ELL: variants seen among roughly 807,000 people sequenced by gnomAD.
ELL encodes RNA polymerase II elongation factor ELL.
A neutral mutation model predicts 64.0 loss-of-function variants in ELL; 18 were observed. That is an observed-to-expected ratio of 0.28 (90% CI 0.19 to 0.42). The LOEUF is 0.42. Ranked by LOEUF, ELL falls within the 10% of genes least tolerant of loss-of-function variation. ELL has a pLI of 1.00. For synonymous variants in ELL, 399 were observed against 376.2 expected, an observed-to-expected ratio of 1.06 and a Z score of -0.70; for missense variants, 797 against 870.4, an observed-to-expected ratio of 0.92 and a Z score of 1.06.
chr19:18,486,284 A>G (rs1975414829), intron 1 of ELL, among the ~76,000 whole-genome samples: 1 of 152,136 alleles, frequency 6.6e-6, no homozygotes, highest in Non-Finnish European at 1.5e-5. Flanking sequence ...CAGGGGCAGG[A>G]AGAGAGAGGC....
At chr19:18,479,815 C>T (rs146888500) in intron 1 of ELL, among the ~76,000 whole-genome samples, 28 of 151,852 alleles carry the variant, frequency 1.8e-4, no homozygotes, top group African/African-American at 6.3e-4. Context: ...GACAGATGGA[C>T]GGGGCCCAAT....
At chr19:18,481,351 C>T (rs1975296259) in intron 1 of ELL, among the ~76,000 whole-genome samples, 1 of 152,162 alleles carries the variant, frequency 6.6e-6, no homozygotes, top group Admixed American at 6.5e-5. Flanking sequence ...TTAGCAGGCT[C>T]CCTCCTTTTG....
chr19:18,458,423 CAG>C (rs1338626971), intron 5 of ELL, 94 bp from the exon 6 acceptor site: 1 of 1,534,384 alleles, frequency 6.5e-7, no homozygotes, highest in Non-Finnish European at 8.8e-7. Flanking sequence ...GGAGGGTGTG[CAG>C]AGACAGTGGG....
At chr19:18,452,546 G>T (rs1209876112) in intron 6 of ELL, among the ~76,000 whole-genome samples, 1 of 152,254 alleles carries the variant, frequency 6.6e-6, no homozygotes, top group African/African-American at 2.4e-5. Context: ...CATAGCAGAA[G>T]CATGAGTGGT....
intron 4 of ELL, among the ~76,000 whole-genome samples, chr19:18,463,027 C>T (rs904177338): frequency 1.3e-5 from 2 of 152,168 alleles, no homozygotes; most frequent in African/African-American, 4.8e-5. Flanking sequence ...ACAATGATGC[C>T]CCGGCATCCT....
intron 1 of ELL, among the ~76,000 whole-genome samples, chr19:18,513,069 G>A (rs563831680): frequency 3.9e-5 from 6 of 152,300 alleles, no homozygotes; most frequent in African/African-American, 7.2e-5. Flanking sequence ...ACGGTGAGAA[G>A]GACTGACCAC....
In ELL at chr19:18,449,591, C is replaced by A. The variant is rs1005262473; in HGVS notation, c.1465+886G>T. ...CTATAATGAAAGAAGGGCTCCCACC[C>A]TCATCCCAGGAATCCCCTGACTCAG... On this transcript the variant is annotated intron_variant, in intron 8 of 11. Coordinates refer to ENST00000262809, the MANE Select transcript of ELL (RefSeq NM_006532.4). The surrounding 1 kb of genome is among the most constrained non-coding windows in gnomAD (Gnocchi z 4.4). Among the ~76,000 whole-genome samples, 1 of 152,204 alleles carries A rather than the reference C, an allele frequency of 6.6e-6. No homozygotes were observed. The highest frequency in any genetic ancestry group is 2.4e-5 in the African/African-American group (1 of 41,452).
intron 1 of ELL, among the ~76,000 whole-genome samples, chr19:18,517,970 C>T (rs1423285520): frequency 6.6e-6 from 1 of 151,614 alleles, no homozygotes; most frequent in Non-Finnish European, 1.5e-5. Context: ...CCTATAATCC[C>T]AGCACTTTGG....
chr19:18,491,986 T>C (rs34436202), intron 1 of ELL, among the ~76,000 whole-genome samples: 3 of 152,156 alleles, frequency 2.0e-5, no homozygotes, highest in Non-Finnish European at 4.4e-5. Flanking sequence ...AGATTCTGTT[T>C]TGAGAGCCCT....
At chr19:18,468,596 A>C (rs1317632168) in intron 2 of ELL, among the ~76,000 whole-genome samples, 2 of 152,198 alleles carry the variant, frequency 1.3e-5, no homozygotes, top group African/African-American at 2.4e-5. Context: ...GGGAAACCAA[A>C]AAGAGTGGCT....
intron 1 of ELL, among the ~76,000 whole-genome samples, chr19:18,521,231 C>T (rs1230122245): frequency 1.3e-5 from 2 of 152,010 alleles, no homozygotes; most frequent in Admixed American, 6.6e-5. Context: ...AACCTCTCTC[C>T]GGAGAGAGAG....
intron 1 of ELL, among the ~76,000 whole-genome samples, chr19:18,519,158 C>T (rs1600514945): frequency 1.3e-5 from 2 of 151,478 alleles, no homozygotes; most frequent in East Asian, 3.9e-4. Flanking sequence ...GTCAGGAGAT[C>T]GAAACCATCC....
chr19:18,486,925 G>A (rs893360617), intron 1 of ELL, among the ~76,000 whole-genome samples: 1 of 152,128 alleles, frequency 6.6e-6, no homozygotes, highest in Non-Finnish European at 1.5e-5. Context: ...GGTTGGCATC[G>A]GGTCCTGCCT....
chr19:18,473,761 A>C (rs1269633360), intron 1 of ELL, among the ~76,000 whole-genome samples: 2 of 152,094 alleles, frequency 1.3e-5, no homozygotes, highest in Admixed American at 1.3e-4. Context: ...GCTACCCCAC[A>C]GCATAGCCCT....
At chr19:18,509,579 A>ATGTGCGCGCGCG (rs1555739199) in intron 1 of ELL, among the ~76,000 whole-genome samples, 2 of 132,496 alleles carry the variant, frequency 1.5e-5, no homozygotes, top group Admixed American at 7.3e-5. Context: ...AGGCCAATGC[A>ATGTGCGCGCGCG]CGTGCGCGCG....
At chr19:18,458,358 T>A in intron 5 of ELL, 29 bp from the exon 6 acceptor site, 1 of 1,600,360 alleles carries the variant, frequency 6.2e-7, no homozygotes, top group South Asian at 1.1e-5. Flanking sequence ...CATCACTTTG[T>A]GGGAATCCTG....
At chr19:18,514,583 T>G (rs1221610677) in intron 1 of ELL, among the ~76,000 whole-genome samples, 2 of 151,174 alleles carry the variant, frequency 1.3e-5, no homozygotes, top group East Asian at 3.9e-4. Flanking sequence ...TGTCATTCAC[T>G]GCACCTGCAG....
Position 18,451,533 on chromosome 19 carries a change from C to A in ELL, c.966+19G>T, listed in dbSNP as rs1394819509. On this transcript the variant is annotated intron_variant, in intron 7 of 11. Coordinates refer to ENST00000262809, the MANE Select transcript of ELL (RefSeq NM_006532.4). ...CCTGCAGGTGCTTGGGACAGTCACCCCAGGCATGCCTCACTTACCTGTGGG... is the reference window on the plus strand; with the variant it reads ...CCTGCAGGTGCTTGGGACAGTCACCACAGGCATGCCTCACTTACCTGTGGG... The A allele has an allele frequency of 4.8e-6, 7 of 1,472,836 alleles. No homozygotes were observed. The highest frequency in any genetic ancestry group is 6.2e-6 in the Non-Finnish European group (7 of 1,120,230). The allele number at this position is 1,472,836 out of a possible 1,614,324, so 91.2% of individuals were successfully genotyped here.
At chr19:18,517,934 A>C (rs1976163573) in intron 1 of ELL, among the ~76,000 whole-genome samples, 1 of 151,490 alleles carries the variant, frequency 6.6e-6, no homozygotes, top group Admixed American at 6.6e-5. Context: ...AAAAGAGAAA[A>C]ACTAGGCCAG....
Sources: gnomAD v4.1 joint callset for allele counts (sites outside exome capture counted in the v4.1 genomes callset) on GRCh38, gnomAD v4.1.1 for gene constraint, Gnocchi (gnomAD v3.1) non-coding constraint, MANE v1.5 for transcripts, NCBI Gene and HGNC (gene_info 2026-07-23, HGNC 2026-07-21) for gene names.